The following LYST variants were observed in gnomAD, a reference collection of about 807,000 sequenced individuals.
The protein encoded by LYST is lysosomal trafficking regulator.
LYST carries 192 observed loss-of-function variants against 413.6 expected under a neutral mutation model. The observed-to-expected ratio is 0.46, with a 90% CI of 0.41 to 0.52. The LOEUF (loss-of-function observed/expected upper bound fraction) is 0.52. Ranked by LOEUF, LYST falls within the 20% of genes least tolerant of loss-of-function variation. The probability of loss-of-function intolerance (pLI) is 0.00; values close to 1 mark genes in which losing one functional copy is unlikely to be tolerated. For missense variants in LYST, 3,815 were observed against 4,499.9 expected, an observed-to-expected ratio of 0.85 and a Z score of 4.35; for synonymous variants, 1,525 against 1,567.3, an observed-to-expected ratio of 0.97 and a Z score of 0.64.
chr1:235,842,200 GAC>G (rs1021016631), intron 1 of LYST, among the ~76,000 whole-genome samples: 14 of 152,108 alleles, frequency 9.2e-5, no homozygotes, highest in African/African-American at 2.9e-4. Flanking sequence ...CCAAAAATGA[GAC>G]ACAGACTGGG....
At chr1:235,694,167 G>A (rs1660901603) in intron 46 of LYST, among the ~76,000 whole-genome samples, 1 of 151,888 alleles carries the variant, frequency 6.6e-6, no homozygotes, top group South Asian at 2.1e-4. Context: ...TCGCCACCAT[G>A]CCCGGCTGAT....
intron 7 of LYST, 119 bp downstream of exon 7, chr1:235,804,385 A>G (rs954880870): frequency 1.2e-6 from 1 of 818,574 alleles, no homozygotes; most frequent in Non-Finnish European, 2.1e-6. Flanking sequence ...CACTGAACTC[A>G]TCTGACCAAG....
intron 1 of LYST, among the ~76,000 whole-genome samples, chr1:235,879,345 C>A (rs1357832141): frequency 6.6e-6 from 1 of 152,188 alleles, no homozygotes; most frequent in Non-Finnish European, 1.5e-5. Context: ...GAAAGCAAGA[C>A]AAATCTTTGG....
rs113260282 is a variant in LYST, at chr1:235,702,924, C to T, written c.10197G>A (p.Ala3399=). Residue 3399 remains alanine, a synonymous_variant, in exon 45 of 53, where the codon GCG becomes GCA. Transcript: ENST00000389793. ...CGTAGGTTTTTATCATGGTTTCTAG[C>T]GCTCGTCTCTGAACTGGATCTTCAA... The part of the protein sequence containing the change: ...SAVEDPVQRR[A]LETMIKTYGQ... 2.6e-5 allele frequency: 42 copies of T among 1,614,118 alleles called. No homozygotes were observed. Among genetic ancestry groups the T allele is most frequent in the African/African-American group, 2.0e-4 (15 of 75,002 alleles).
intron 1 of LYST, among the ~76,000 whole-genome samples, chr1:235,865,948 T>C (rs1680455909): frequency 6.6e-6 from 1 of 152,360 alleles, no homozygotes; most frequent in Middle Eastern, 3.4e-3. Flanking sequence ...AAATTTTCTA[T>C]CTGCTTAAAA....
At chr1:235,671,430 T>C (rs917614453) in intron 50 of LYST, among the ~76,000 whole-genome samples, 3 of 152,242 alleles carry the variant, frequency 2.0e-5, no homozygotes, top group Non-Finnish European at 4.4e-5. Flanking sequence ...TAACATGATA[T>C]ATCACATTTA....
At chr1:235,672,142 T>A (rs1658991989) in intron 50 of LYST, among the ~76,000 whole-genome samples, 1 of 152,112 alleles carries the variant, frequency 6.6e-6, no homozygotes, top group Admixed American at 6.6e-5. Flanking sequence ...AGGAACAAGT[T>A]TGGAGGAATG....
chr1:235,824,748 G>A (rs764167278), intron 3 of LYST, among the ~76,000 whole-genome samples: 3 of 152,272 alleles, frequency 2.0e-5, no homozygotes, highest in Admixed American at 6.5e-5. Flanking sequence ...ACCGCTGAGC[G>A]CAGTGGCTCA....
chr1:235,716,545 G>A (rs1662850321), intron 41 of LYST, among the ~76,000 whole-genome samples, 167 bp downstream of exon 41: 1 of 152,096 alleles, frequency 6.6e-6, no homozygotes, highest in African/African-American at 2.4e-5. Context: ...AGAAAATCAG[G>A]ATAGAAAATG....
At chr1:235,728,313 C>G (rs917146518) in intron 37 of LYST, among the ~76,000 whole-genome samples, 182 bp from the exon 38 acceptor site, 13 of 151,774 alleles carry the variant, frequency 8.6e-5, no homozygotes, top group Admixed American at 8.5e-4. Context: ...GTTGCTTTAC[C>G]TCTTTGTGTC....
intron 48 of LYST, among the ~76,000 whole-genome samples, chr1:235,682,918 TCTA>T (rs1266681082): frequency 3.3e-4 from 51 of 152,346 alleles, no homozygotes; most frequent in African/African-American, 1.1e-3. Flanking sequence ...AGGTTAGCGT[TCTA>T]CTTGATAAGT....
chr1:235,842,609 C>T (rs1422671202), intron 1 of LYST, among the ~76,000 whole-genome samples: 2 of 152,170 alleles, frequency 1.3e-5, no homozygotes, highest in Non-Finnish European at 2.9e-5. Flanking sequence ...GAATGAATGG[C>T]GTGGCCTCTC....
chr1:235,703,541 C>T (rs1047462190), intron 44 of LYST, among the ~76,000 whole-genome samples: 4 of 152,126 alleles, frequency 2.6e-5, no homozygotes, highest in Admixed American at 6.6e-5. Flanking sequence ...CTAAAGCTGG[C>T]GGTCAGTAAT....
intron 19 of LYST, among the ~76,000 whole-genome samples, chr1:235,773,144 CCT>C (rs2103432832): frequency 6.6e-6 from 1 of 151,834 alleles, no homozygotes; most frequent in South Asian, 2.1e-4. Flanking sequence ...TGTGTGAAAC[CCT>C]GTCTACACCC....
intron 14 of LYST, 71 bp downstream of exon 14, chr1:235,787,129 A>G: frequency 1.7e-6 from 2 of 1,162,224 alleles, no homozygotes; most frequent in Non-Finnish European, 2.6e-6. Context: ...CTGTTTCAGA[A>G]GCTATAATTG....
intron 16 of LYST, among the ~76,000 whole-genome samples, chr1:235,778,122 T>TA (rs1558230944): frequency 2.8e-5 from 4 of 144,768 alleles, no homozygotes; most frequent in African/African-American, 8.1e-5. Context: ...TATATATATA[T>TA]TTTTGTAGAG....
chr1:235,799,668 C>T (rs1179637176), intron 10 of LYST, among the ~76,000 whole-genome samples: 4 of 152,106 alleles, frequency 2.6e-5, no homozygotes, highest in East Asian at 3.9e-4. Flanking sequence ...TTATGAATTT[C>T]TCAAATGTCT....
Position 235,809,402 on chromosome 1 carries a change from T to A in LYST, c.1416A>T (p.Leu472=). 6.2e-7 allele frequency: 1 copy of A among 1,614,058 alleles called. No individual in the cohort carries two copies. Among genetic ancestry groups the A allele is most frequent in the Non-Finnish European group, 8.5e-7 (1 of 1,179,998 alleles). ...TCATTATTTTCATCACACTATTTAT[T>A]AGGGCTTTCAAATGCTCTGAGGCCT... ...PPEASEHLKA[L]INSVMKIMST... Residue 472 remains leucine (L), a synonymous_variant, in exon 5 of 53, where the codon CTA becomes CTT. Transcript: ENST00000389793. This position sits in a 1 kb window ranked among gnomAD's most constrained non-coding sequence, Gnocchi z 4.0.
rs1041469492 is a variant in LYST at position 235,805,830 on chromosome 1, A to T, written c.3306T>A (p.Ser1102Arg). ...CCAGAAGGGCTTCCAAAAGTCGTAT[A>T]CTTTGAAGTGAGGTCTCACTTTCTT... ...TSQESETSLQ[S>R]IRLLEALLAI... is the part of the protein sequence containing the mutation. Residue 1102 changes from serine (S) to arginine (R), a missense_variant, in exon 6 of 53, where the codon AGT (serine) becomes AGA (arginine). Transcript: ENST00000389793. The T allele has an allele frequency of 6.2e-7, 1 of 1,613,702 alleles. No homozygotes were observed. The highest frequency in any genetic ancestry group is 8.5e-7 in the Non-Finnish European group (1 of 1,179,862).
Sources: gnomAD v4.1 joint callset for allele counts (sites outside exome capture counted in the v4.1 genomes callset) on GRCh38, gnomAD v4.1.1 for gene constraint, Gnocchi (gnomAD v3.1) non-coding constraint, MANE v1.5 for transcripts, NCBI Gene and HGNC (gene_info 2026-07-23, HGNC 2026-07-21) for gene names.